Variants in MARCHF10 observed in about 807,000 individuals in gnomAD.
MARCHF10 encodes the protein membrane associated ring-CH-type finger 10.
In MARCHF10, 64 loss-of-function variants were observed where a neutral mutation model predicts 76.2. The ratio of observed to expected loss-of-function variants is 0.84; its 90% CI spans 0.69 to 1.03. MARCHF10 has a LOEUF of 1.03. Among genes scored for constraint, MARCHF10 ranks in the 50% least tolerant of loss-of-function variants. The pLI, the probability that MARCHF10 is intolerant of heterozygous loss-of-function variation, is 0.00. For synonymous variants in MARCHF10, 340 were observed against 357.5 expected (o/e 0.95, Z 0.55); for missense variants, 875 against 958.0 (o/e 0.91, Z 1.14).
At chr17:62,766,037 T>A (rs1442188852) in intron 3 of MARCHF10, among the ~76,000 whole-genome samples, 1 of 149,990 alleles carries the variant, frequency 6.7e-6, no homozygotes, top group Non-Finnish European at 1.5e-5. Context: ...CTACAAAAAA[T>A]AAAAAAAAAT....
rs754418771 is a variant in MARCHF10, at chr17:62,705,583, T to C, written c.2329-2A>G. The C allele has an allele frequency of 1.2e-6, 2 of 1,613,944 alleles. No individual in the cohort carries two copies. The highest frequency in any genetic ancestry group is 2.2e-5 in the East Asian group (1 of 44,882). On this transcript the variant is annotated splice_acceptor_variant, in intron 9 of 10. Coordinates refer to ENST00000311269, the MANE Select transcript of MARCHF10 (RefSeq NM_152598.4). LOFTEE classifies it high-confidence loss of function. ...GGGTTGTGGGTAATTTCTTGACAAC[T>C]ACAAGAAAGAAGACAATGAGAAATG...
chr17:62,711,164 C>T lies in MARCHF10; in HGVS notation c.2328+67G>A. ...GTGAGGACCTCAACAGCTTGCACAT[C>T]TAATAAACAGCACTGCAGGGTTTTC... is the stretch of plus-strand genomic sequence containing the variant. On this transcript the variant is annotated intron_variant, in intron 9 of 10. Transcript: ENST00000311269. This position sits in a 1 kb window ranked among gnomAD's most constrained non-coding sequence, Gnocchi z 4.4. 2.3e-6 allele frequency: 3 copies of T among 1,324,608 alleles called. No individual in the cohort carries two copies. Among genetic ancestry groups the T allele is most frequent in the Non-Finnish European group, 3.3e-6 (3 of 919,932 alleles). 82.1% of individuals were successfully genotyped at this position (1,324,608 alleles called of 1,614,324 possible).
intron 3 of MARCHF10, among the ~76,000 whole-genome samples, chr17:62,769,563 G>A (rs569415561): frequency 2.6e-5 from 4 of 152,118 alleles, no homozygotes; most frequent in East Asian, 1.9e-4. Context: ...ATAGGTGCAC[G>A]CCAACATGCC....
Position 62,801,782 on chromosome 17 carries a change from T to C in MARCHF10, c.-17-30A>G, listed in dbSNP as rs773486430. 16 of 1,484,058 alleles carry C rather than the reference T, an allele frequency of 1.1e-5. No homozygotes were observed. In the Admixed American group the frequency reaches 1.7e-4, roughly 16 times the overall value. The allele number at this position is 1,484,058 out of a possible 1,614,324, so 91.9% of individuals were successfully genotyped here. ...ACAGAAAAGATAAACAAATGTGCTGTGTTAGAGTCCTTTGTCGTGATGCCG... is the reference window on the plus strand; with the variant it reads ...ACAGAAAAGATAAACAAATGTGCTGCGTTAGAGTCCTTTGTCGTGATGCCG... On this transcript the variant is annotated intron_variant, in intron 1 of 10. Coordinates refer to ENST00000311269, the MANE Select transcript of MARCHF10 (RefSeq NM_152598.4).
chr17:62,782,129 G>A (rs2092669453), intron 3 of MARCHF10, among the ~76,000 whole-genome samples: 1 of 152,006 alleles, frequency 6.6e-6, no homozygotes, highest in South Asian at 2.1e-4. Flanking sequence ...CAACTCTAGT[G>A]CCTGATGCAA....
intron 8 of MARCHF10, among the ~76,000 whole-genome samples, chr17:62,716,595 TAGAAAAAAAGAAGACCTGC>T (rs1377280890): frequency 6.6e-6 from 1 of 150,874 alleles, no homozygotes; most frequent in Admixed American, 6.6e-5. Context: ...ACCATTTTAA[TAGAAAAAAAGAAGACCTGC>T]AGCTAAATGT....
intron 6 of MARCHF10, 21 bp downstream of exon 6, chr17:62,735,910 A>G (rs72842201): frequency 0.03 from 47,599 of 1,577,012 alleles, 941 homozygotes; most frequent in Non-Finnish European, 0.035. Flanking sequence ...GAAAAAATAT[A>G]TAATTATGAA....
In MARCHF10 at chr17:62,701,637, C is replaced by T. The variant is rs1247188910; in HGVS notation, c.*66G>A. On this transcript the variant is annotated 3_prime_UTR_variant, in exon 11 of 11. Transcript: ENST00000311269. ...GTAAAGAGGAGGAGGGAGGGAGGCACTTGGGGACGTAGAAAGAAGGGCTGG... is the reference window on the plus strand; with the variant it reads ...GTAAAGAGGAGGAGGGAGGGAGGCATTTGGGGACGTAGAAAGAAGGGCTGG... 1.9e-6 allele frequency: 3 copies of T among 1,612,348 alleles called. No individual in the cohort carries two copies. The highest frequency in any genetic ancestry group is 3.3e-5 in the Admixed American group (2 of 60,016).
At chr17:62,770,837 GGTCT>G (rs1284370824) in intron 3 of MARCHF10, among the ~76,000 whole-genome samples, 1 of 149,056 alleles carries the variant, frequency 6.7e-6, no homozygotes, top group East Asian at 2.0e-4. Context: ...CACCGCACCT[GGTCT>G]GTATTTTGAC....
intron 2 of MARCHF10, among the ~76,000 whole-genome samples, chr17:62,800,342 C>G (rs2093051374): frequency 1.3e-5 from 2 of 152,166 alleles, no homozygotes; most frequent in South Asian, 4.1e-4. Context: ...CAATTTCAAA[C>G]AGGAGCCGGG....
At chr17:62,801,476 T>TA (rs59177238) in intron 2 of MARCHF10, among the ~76,000 whole-genome samples, 170 bp downstream of exon 2, 2 of 151,664 alleles carry the variant, frequency 1.3e-5, no homozygotes, top group African/African-American at 4.8e-5. Flanking sequence ...TTTTTTTTTT[T>TA]ACAGACGAGG....
intron 9 of MARCHF10, among the ~76,000 whole-genome samples, chr17:62,708,780 T>C (rs1230271269): frequency 2.6e-5 from 4 of 152,192 alleles, no homozygotes; most frequent in Non-Finnish European, 5.9e-5. Flanking sequence ...GCCAGGGACA[T>C]GGTCAGCAGT....
intron 4 of MARCHF10, 101 bp downstream of exon 4, chr17:62,759,734 G>A: frequency 1.6e-6 from 2 of 1,236,752 alleles, no homozygotes; most frequent in Non-Finnish European, 2.3e-6. Context: ...GCCTCTCAAA[G>A]TGCTGGGATT....
intron 3 of MARCHF10, among the ~76,000 whole-genome samples, chr17:62,769,898 A>C (rs2092409847): frequency 6.6e-6 from 1 of 152,084 alleles, no homozygotes. Flanking sequence ...GTTGGCTTTT[A>C]AAAATTTTTT....
intron 3 of MARCHF10, among the ~76,000 whole-genome samples, chr17:62,770,888 C>T (rs1196173470): frequency 1.6e-5 from 2 of 127,496 alleles, no homozygotes; most frequent in Non-Finnish European, 3.2e-5. Context: ...CAGAGTCTCA[C>T]TCTGTCTCCC....
chr17:62,720,603 A>T (rs1390309230), intron 8 of MARCHF10, among the ~76,000 whole-genome samples: 1 of 137,188 alleles, frequency 7.3e-6, no homozygotes, highest in East Asian at 2.1e-4. Context: ...CAAAATGGTT[A>T]CTTTCCCCCT....
Position 62,735,900 on chromosome 17 carries a change from G to GA in MARCHF10, c.1937+30dup. The GA allele has an allele frequency of 1.9e-6, 3 of 1,572,104 alleles. 1 individual carries two copies. The highest frequency in any genetic ancestry group is 2.6e-6 in the Non-Finnish European group (3 of 1,168,092). Reference sequence around the variant, plus strand: ...TGCTAATTTTGGCCTTGGGAAAGTGGAAAAAATATATAATTATGAAAAGTC... The same window carrying GA: ...TGCTAATTTTGGCCTTGGGAAAGTGGAAAAAAATATATAATTATGAAAAGTC... On this transcript the variant is annotated intron_variant, in intron 6 of 10. Transcript: ENST00000311269.
chr17:62,717,174 C>T (rs1311111996), intron 8 of MARCHF10, among the ~76,000 whole-genome samples: 2 of 152,354 alleles, frequency 1.3e-5, no homozygotes, highest in African/African-American at 2.4e-5. Flanking sequence ...CCTGGGGTTT[C>T]GCCCAGGCTG....
intron 5 of MARCHF10, 72 bp from the exon 6 acceptor site, chr17:62,737,404 G>A: frequency 2.8e-6 from 4 of 1,429,312 alleles, no homozygotes; most frequent in South Asian, 1.2e-5. Context: ...AGCACCAAGT[G>A]CAAAATTGCC....
Sources: allele counts gnomAD v4.1 joint callset (sites outside exome capture counted in the v4.1 genomes callset), GRCh38; gene constraint gnomAD v4.1.1; non-coding constraint Gnocchi (gnomAD v3.1); transcripts MANE v1.5; gene names NCBI Gene and HGNC (gene_info 2026-07-23, HGNC 2026-07-21).